Variants in MINAR1 observed in about 807,000 individuals in gnomAD.
MINAR1 encodes the protein membrane integral NOTCH2 associated receptor 1, also known as major intrinsically disordered Notch2-binding receptor 1.
Under a neutral mutation model 65.1 loss-of-function variants are expected in MINAR1, and 40 were observed. The ratio of observed to expected loss-of-function variants is 0.61; its 90% CI spans 0.48 to 0.80. The LOEUF (loss-of-function observed/expected upper bound fraction) is 0.80. MINAR1 is among the 30% of genes least tolerant of loss of function. MINAR1 has a pLI of 0.00. For synonymous variants in MINAR1, 482 were observed against 449.1 expected (o/e 1.07, Z -0.93); for missense variants, 1,128 against 1,148.0 (o/e 0.98, Z 0.25).
chr15:79,467,910 A>G (rs1265124745), intron 3 of MINAR1, among the ~76,000 whole-genome samples: 2 of 151,904 alleles, frequency 1.3e-5, no homozygotes, highest in Non-Finnish European at 2.9e-5. Context: ...TCTCAGCCCC[A>G]TTTTGCTTGC....
intron 2 of MINAR1, among the ~76,000 whole-genome samples, chr15:79,459,919 G>C (rs1317275890): frequency 6.6e-6 from 1 of 152,106 alleles, no homozygotes; most frequent in Non-Finnish European, 1.5e-5. Flanking sequence ...TAGCTGCCAG[G>C]GTCTGGCCAG....
chr15:79,441,352 A>T (rs1894862599), intron 1 of MINAR1, among the ~76,000 whole-genome samples: 1 of 152,148 alleles, frequency 6.6e-6, no homozygotes, highest in South Asian at 2.1e-4. Flanking sequence ...ATACTTTTTC[A>T]CTTAAGAATA....
rs540930048 is a variant in MINAR1 at position 79,458,528 on chromosome 15, A to C, written c.2298+83A>C. 21 of 1,498,740 alleles carry C rather than the reference A, an allele frequency of 1.4e-5. No individual in the cohort carries two copies. In the East Asian group the frequency reaches 4.3e-4, roughly 31 times the overall value. The allele number at this position is 1,498,740 out of a possible 1,614,324, so 92.8% of individuals were successfully genotyped here. A position where few individuals can be genotyped will look rare whatever the true frequency, so the allele number is the denominator to read the frequency against. On this transcript the variant is annotated intron_variant, in intron 2 of 3. Coordinates refer to ENST00000305428, the MANE Select transcript of MINAR1 (RefSeq NM_015206.3). Reference sequence around the variant, plus strand: ...TTTCAAAGCCTTGAACATGGCGTTAAACAGGCAAGAGGCCTGGCCTCTGTG... The same window carrying C: ...TTTCAAAGCCTTGAACATGGCGTTACACAGGCAAGAGGCCTGGCCTCTGTG...
intron 1 of MINAR1, among the ~76,000 whole-genome samples, chr15:79,433,195 G>A (rs1362665756): frequency 6.6e-6 from 1 of 152,172 alleles, no homozygotes; most frequent in African/African-American, 2.4e-5. Flanking sequence ...CCATCCCTCC[G>A]AAAGCGATAA....
At chr15:79,440,676 C>T (rs1235223131) in intron 1 of MINAR1, among the ~76,000 whole-genome samples, 5 of 152,150 alleles carry the variant, frequency 3.3e-5, no homozygotes, top group Non-Finnish European at 1.5e-5. Context: ...TCCTCCCCAC[C>T]ACCCAGGCAG....
At chr15:79,425,408 A>C in the MINAR1 span, 1 of 152,216 alleles carries the variant, frequency 6.6e-6, no homozygotes, top group Admixed American at 6.5e-5. Flanking sequence ...ACTGTAAGTT[A>C]AATGGTAATG....
chr15:79,459,179 GA>G (rs199732618), intron 2 of MINAR1, among the ~76,000 whole-genome samples: 1 of 151,064 alleles, frequency 6.6e-6, no homozygotes, highest in Non-Finnish European at 1.5e-5. Flanking sequence ...ACTGTCTCAA[GA>G]AAAAAAAAGA....
At chr15:79,463,424 C>G (rs533758030) in intron 3 of MINAR1, 103 bp downstream of exon 3, 5 of 1,310,012 alleles carry the variant, frequency 3.8e-6, no homozygotes, top group Non-Finnish European at 5.3e-6. Flanking sequence ...CACTTCCACA[C>G]CCTTCAACTC....
At chr15:79,422,733 G>C in the MINAR1 span, 1 of 152,138 alleles carries the variant, frequency 6.6e-6, no homozygotes, top group Admixed American at 6.5e-5. Flanking sequence ...TAATGAAGCT[G>C]CCACTTGTAT....
At chr15:79,449,247 A>G (rs1895112410) in intron 1 of MINAR1, among the ~76,000 whole-genome samples, 1 of 152,160 alleles carries the variant, frequency 6.6e-6, no homozygotes, top group Admixed American at 6.5e-5. Flanking sequence ...TGCTCATCTT[A>G]ACCTCAGGCT....
chr15:79,451,564 C>T (rs1895203196), intron 1 of MINAR1, among the ~76,000 whole-genome samples: 1 of 152,152 alleles, frequency 6.6e-6, no homozygotes, highest in Non-Finnish European at 1.5e-5. Context: ...CAGTTGGGCC[C>T]GATGGGGGCC....
intron 1 of MINAR1, among the ~76,000 whole-genome samples, chr15:79,442,061 T>C (rs933617428): frequency 4.0e-5 from 6 of 150,948 alleles, no homozygotes; most frequent in African/African-American, 1.5e-4. Context: ...TTTTTTTTTT[T>C]ACTGTTTTTT....
chr15:79,444,346 A>C (rs1218746708), intron 1 of MINAR1, among the ~76,000 whole-genome samples: 1 of 151,956 alleles, frequency 6.6e-6, no homozygotes, highest in Admixed American at 6.6e-5. Flanking sequence ...TTTCTTTATC[A>C]TTCTTGCCAG....
the MINAR1 span, chr15:79,418,659 A>G: frequency 6.6e-6 from 1 of 152,296 alleles, no homozygotes; most frequent in East Asian, 1.9e-4. Flanking sequence ...AAATGGGGAT[A>G]ACATTGAGGA....
At chr15:79,462,160 C>T (rs1022223065) in intron 2 of MINAR1, among the ~76,000 whole-genome samples, 15 of 152,160 alleles carry the variant, frequency 9.9e-5, no homozygotes, top group African/African-American at 1.7e-4. Flanking sequence ...GGTGGTATTA[C>T]GTTGCTGGAG....
At chr15:79,445,875 T>C (rs1895004353) in intron 1 of MINAR1, among the ~76,000 whole-genome samples, 1 of 152,230 alleles carries the variant, frequency 6.6e-6, no homozygotes. Flanking sequence ...GTATATCTCC[T>C]GTAGGTAGTC....
chr15:79,420,664 T>C, the MINAR1 span: 1 of 152,220 alleles, frequency 6.6e-6, no homozygotes, highest in Non-Finnish European at 1.5e-5. Flanking sequence ...AATTGCTCTA[T>C]GGTGGTGTAC....
At chr15:79,446,181 A>G (rs1895013258) in intron 1 of MINAR1, among the ~76,000 whole-genome samples, 1 of 151,948 alleles carries the variant, frequency 6.6e-6, no homozygotes, top group Admixed American at 6.6e-5. Context: ...TTTTTCTAAT[A>G]TGCATATTTG....
At chr15:79,458,605 A>G (rs780880230) in intron 2 of MINAR1, among the ~76,000 whole-genome samples, 160 bp downstream of exon 2, 58 of 152,336 alleles carry the variant, frequency 3.8e-4, no homozygotes, top group Non-Finnish European at 6.9e-4. Context: ...AATAGAGAGG[A>G]CAACATAGGC....
Sources: allele counts gnomAD v4.1 joint callset (sites outside exome capture counted in the v4.1 genomes callset), GRCh38; gene constraint gnomAD v4.1.1; transcripts MANE v1.5; gene names NCBI Gene and HGNC (gene_info 2026-07-23, HGNC 2026-07-21).